LMO2: variants seen among roughly 807,000 people sequenced by gnomAD.
LMO2 encodes rhombotin-2.
LMO2 carries 20 observed loss-of-function variants against 23.2 expected under a neutral mutation model. That is an observed-to-expected ratio of 0.86 (90% CI 0.61 to 1.25). The LOEUF (loss-of-function observed/expected upper bound fraction) is 1.25. Ranked by LOEUF, LMO2 falls within the 50% of genes most tolerant of loss-of-function variation. The pLI, the probability that LMO2 is intolerant of heterozygous loss-of-function variation, is 0.00. For synonymous variants in LMO2, 123 were observed against 130.2 expected, an observed-to-expected ratio of 0.94 and a Z score of 0.38; for missense variants, 270 against 315.3, an observed-to-expected ratio of 0.86 and a Z score of 1.09.
intron 4 of LMO2, among the ~76,000 whole-genome samples, chr11:33,868,464 G>C (rs569275433): frequency 1.3e-4 from 20 of 152,150 alleles, no homozygotes; most frequent in Admixed American, 3.9e-4. Flanking sequence ...ACTCTTAAAA[G>C]GGCATTTGCG....
chr11:33,862,050 G>A (rs571027025), intron 5 of LMO2, among the ~76,000 whole-genome samples: 1 of 152,206 alleles, frequency 6.6e-6, no homozygotes, highest in Non-Finnish European at 1.5e-5. Context: ...TGGTATCTTA[G>A]GCTGGATATC....
rs201634582 is a variant in LMO2, at chr11:33,880,180, G to GAT, written c.-272+1642_-272+1643dup. ...ATATATACATATGATATATACACAT[G>GAT]ATATATATATCATATATACACATGA... On this transcript the variant is annotated intron_variant, in intron 2 of 5. Coordinates refer to ENST00000257818, the MANE Select transcript of LMO2 (RefSeq NM_005574.4). This position sits in a 1 kb window ranked among gnomAD's most constrained non-coding sequence, Gnocchi z 4.3. Among the ~76,000 whole-genome samples the GAT allele has an allele frequency of 0.14, 3,389 of 23,798 alleles. 913 individuals are homozygous for GAT. Among genetic ancestry groups the GAT allele is most frequent in the Admixed American group, 0.47 (1,340 of 2,870 alleles). The allele number at this position is 23,798 out of a possible 152,430, so 15.6% of individuals were successfully genotyped here.
intron 4 of LMO2, among the ~76,000 whole-genome samples, chr11:33,866,476 CAT>C (rs1175709753): frequency 1.3e-5 from 2 of 152,000 alleles, no homozygotes; most frequent in Admixed American, 6.6e-5. Flanking sequence ...TTCTACAAAA[CAT>C]ATAAAAAATT....
At chr11:33,877,208 T>C (rs1857155673) in intron 2 of LMO2, among the ~76,000 whole-genome samples, 1 of 152,124 alleles carries the variant, frequency 6.6e-6, no homozygotes, top group Non-Finnish European at 1.5e-5. Flanking sequence ...AGGCTCACAT[T>C]CAGGAAGGCA....
chr11:33,882,489 G>A (rs972341178), intron 1 of LMO2, among the ~76,000 whole-genome samples: 2 of 152,138 alleles, frequency 1.3e-5, no homozygotes, highest in African/African-American at 2.4e-5. Context: ...CCTTAGACTC[G>A]GGCATTCTTG....
rs371147611 is a variant in LMO2, at chr11:33,864,692, C to T, written c.374G>A (p.Ser125Asn). The T allele has an allele frequency of 1.2e-6, 2 of 1,614,122 alleles. No individual in the cohort carries two copies. Among genetic ancestry groups the T allele is most frequent in the East Asian group, 2.2e-5 (1 of 44,886 alleles). ...IDQYWHEDCL[S>N]CDLCGCRLGE... ...CAGCCGGCAGCCACAGAGGTCGCAG[C>T]TCAGGCAGTCCTCGTGCCAGTACTG... is the stretch of plus-strand genomic sequence containing the variant. Residue 125 changes from serine (S) to asparagine (N), a missense_variant, in exon 5 of 6, where the codon AGC (serine) becomes AAC (asparagine). Coordinates refer to ENST00000257818, the MANE Select transcript of LMO2 (RefSeq NM_005574.4). The surrounding 1 kb of genome is among the most constrained non-coding windows in gnomAD (Gnocchi z 4.8).
At chr11:33,861,668 C>T (rs1283211207) in intron 5 of LMO2, among the ~76,000 whole-genome samples, 4 of 152,140 alleles carry the variant, frequency 2.6e-5, no homozygotes, top group Non-Finnish European at 2.9e-5. Flanking sequence ...CAAGGATGAA[C>T]GACTGAGAAA....
chr11:33,869,776 G>A lies in LMO2; in HGVS notation c.-60C>T. On this transcript the variant is annotated 5_prime_UTR_variant, in exon 3 of 6. Coordinates refer to ENST00000257818, the MANE Select transcript of LMO2 (RefSeq NM_005574.4). Reference sequence around the variant, plus strand: ...CGCGCGCTGTCGCCGGCTCCGCGCCGCCCGCGGGGATGGTGTGCGCCCGCC... The same window carrying A: ...CGCGCGCTGTCGCCGGCTCCGCGCCACCCGCGGGGATGGTGTGCGCCCGCC... 1 of 1,169,724 alleles carries A rather than the reference G, an allele frequency of 8.5e-7. No homozygotes were observed. The highest frequency in any genetic ancestry group is 1.1e-6 in the Non-Finnish European group (1 of 947,572). 72.5% of individuals were successfully genotyped at this position (1,169,724 alleles called of 1,614,324 possible). A position where few individuals can be genotyped will look rare whatever the true frequency, so the allele number is the denominator to read the frequency against.
chr11:33,873,630 T>G (rs76645853), intron 2 of LMO2, among the ~76,000 whole-genome samples: 2,870 of 152,312 alleles, frequency 0.019, 47 homozygotes, highest in Non-Finnish European at 0.033. Flanking sequence ...AATCTCTATT[T>G]GATCCCTGCC....
At chr11:33,872,926 T>A (rs1488792306) in intron 2 of LMO2, among the ~76,000 whole-genome samples, 1 of 152,010 alleles carries the variant, frequency 6.6e-6, no homozygotes, top group African/African-American at 2.4e-5. Context: ...CACGCCTAGC[T>A]AATTTTTTGT....
chr11:33,859,566 C>T lies in LMO2; in HGVS notation c.474G>A (p.Gly158=), dbSNP rs749156997. The change falls in exon 6 of 6, where the codon GGG becomes GGA. Residue 158 remains glycine, a synonymous_variant. Coordinates refer to ENST00000257818, the MANE Select transcript of LMO2 (RefSeq NM_005574.4). ...CACAGGATGCGCAGAGACCGTCTTG[C>T]CCAAAAAGCCTGGGGCAAAAGAAAG... ...LCRRDYLRLF[G]QDGLCASCDK... 5.6e-6 allele frequency: 9 copies of T among 1,613,750 alleles called. No homozygotes were observed. In the East Asian group the frequency reaches 1.8e-4, roughly 32 times the overall value.
At position 33,858,817 on chromosome 11, in the gene LMO2, G is replaced by A. The variant is rs937504875; in HGVS notation, c.*539C>T. The A allele has an allele frequency of 6.2e-5, 14 of 226,392 alleles. No homozygotes were observed. The highest frequency in any genetic ancestry group is 8.9e-5 in the African/African-American group (4 of 44,920). The allele number at this position is 226,392 out of a possible 1,614,324, so 14.0% of individuals were successfully genotyped here. A position where few individuals can be genotyped will look rare whatever the true frequency, so the allele number is the denominator to read the frequency against. On this transcript the variant is annotated 3_prime_UTR_variant, in exon 6 of 6. Coordinates refer to ENST00000257818, the MANE Select transcript of LMO2 (RefSeq NM_005574.4). ...TGGTTTCCATTCTCAACCGAAATGC[G>A]TCTCCATGCAGTTTTCCTTGGGTCC...
At chr11:33,870,457 C>T in intron 2 of LMO2, 1 of 986,326 alleles carries the variant, frequency 1.0e-6, no homozygotes, top group African/African-American at 1.7e-5. Flanking sequence ...GGGCTGCGGG[C>T]TACGGGCTGC....
At position 33,886,296 on chromosome 11, in the gene LMO2, C is replaced by T. The variant is rs1192418329; in HGVS notation, c.-335-4409G>A. On this transcript the variant is annotated intron_variant, in intron 1 of 5. Coordinates refer to ENST00000257818, the MANE Select transcript of LMO2 (RefSeq NM_005574.4). ...CACATTTAGAAGGGGTGCTGGAGGA[C>T]ACCACATGCGCTGGGCTGACAATTG... Among the ~76,000 whole-genome samples, 6 of 152,312 alleles carry T rather than the reference C, an allele frequency of 3.9e-5. No homozygotes were observed. The East Asian group carries it at 1.2e-3, about 29-fold the overall frequency.
chr11:33,863,225 T>C (rs1190511344), intron 5 of LMO2, among the ~76,000 whole-genome samples: 1 of 36,482 alleles, frequency 2.7e-5, no homozygotes, highest in Non-Finnish European at 9.3e-5. Flanking sequence ...CTATTTTCTG[T>C]GACTTAAAAA....
chr11:33,875,429 C>T (rs896555755), intron 2 of LMO2, among the ~76,000 whole-genome samples: 2 of 151,840 alleles, frequency 1.3e-5, no homozygotes, highest in African/African-American at 4.8e-5. Context: ...AATACAAAAA[C>T]TAGCCAAGCG....
chr11:33,885,498 T>C (rs916266417), intron 1 of LMO2, among the ~76,000 whole-genome samples: 36 of 152,172 alleles, frequency 2.4e-4, no homozygotes, highest in African/African-American at 8.2e-4. Context: ...GGCCCAACAT[T>C]GCATGAGGTC....
intron 4 of LMO2, among the ~76,000 whole-genome samples, chr11:33,866,351 A>G (rs78500360): frequency 1.3e-5 from 2 of 152,188 alleles, no homozygotes; most frequent in Non-Finnish European, 2.9e-5. Context: ...GGGAAAAAAA[A>G]TGGCCAGGTA....
intron 1 of LMO2, among the ~76,000 whole-genome samples, chr11:33,886,409 T>G (rs4756077): frequency 0.76 from 115,784 of 152,024 alleles, 44,556 homozygotes; most frequent in African/African-American, 0.87. Context: ...CCTGATGGCT[T>G]CTCAGGATGA....
Sources: allele counts gnomAD v4.1 joint callset (sites outside exome capture counted in the v4.1 genomes callset), GRCh38; gene constraint gnomAD v4.1.1; non-coding constraint Gnocchi (gnomAD v3.1); transcripts MANE v1.5; gene names NCBI Gene and HGNC (gene_info 2026-07-23, HGNC 2026-07-21).